COG7: variants seen among roughly 807,000 people sequenced by gnomAD.
COG7 encodes the protein conserved oligomeric Golgi complex subunit 7.
COG7 carries 49 observed loss-of-function variants against 91.5 expected under a neutral mutation model. The ratio of observed to expected loss-of-function variants is 0.54; its 90% CI spans 0.43 to 0.68. The LOEUF (loss-of-function observed/expected upper bound fraction) is 0.68, where lower values mean the gene tolerates loss of function less well. COG7 is among the 30% of genes least tolerant of loss of function. The pLI is 0.00. For synonymous variants in COG7, 365 were observed against 388.7 expected (o/e 0.94, Z 0.72); for missense variants, 895 against 961.3 (o/e 0.93, Z 0.91).
At chr16:23,425,518 T>A (rs1369606435) in intron 6 of COG7, among the ~76,000 whole-genome samples, 1 of 152,038 alleles carries the variant, frequency 6.6e-6, no homozygotes, top group East Asian at 1.9e-4. Context: ...ATTTTATTTT[T>A]TTGTAGAGAC....
chr16:23,403,828 C>T lies in COG7; in HGVS notation c.1669G>A (p.Gly557Arg). The change falls in exon 13 of 17, where the codon GGG becomes AGG. Residue 557 changes from glycine (G) to arginine (R), a missense_variant. Transcript: ENST00000307149. ...GCCAGCAGGTTGTGGTTGCTTGACC[C>T]TTTTTCCTAAGACAAGAAAATGCAA... ...MEILYTLKEK[G>R]SSNHNLLAAP... 1 of 1,614,198 alleles carries T rather than the reference C, an allele frequency of 6.2e-7. No homozygotes were observed. The highest frequency in any genetic ancestry group is 8.5e-7 in the Non-Finnish European group (1 of 1,180,032).
chr16:23,393,211 G>T (rs181406575), intron 15 of COG7, 22 bp downstream of exon 15: 5 of 1,560,282 alleles, frequency 3.2e-6, no homozygotes, highest in Non-Finnish European at 3.5e-6. Flanking sequence ...TTGTAACATC[G>T]CCAGAAACGG....
At chr16:23,413,604 T>A in intron 9 of COG7, 40 bp from the exon 10 acceptor site, 1 of 1,046,550 alleles carries the variant, frequency 9.6e-7, no homozygotes, top group South Asian at 1.3e-5. Context: ...AGGTCACCAC[T>A]GATTCCCCAA....
At position 23,424,795 on chromosome 16, in the gene COG7, G is replaced by A. The variant is rs762510375; in HGVS notation, c.963C>T (p.Thr321=). ...LTRLLEFYDA[T]AHFAKGLEMA... The stretch of plus-strand genomic sequence containing the variant: ...TCTCCAAGCCCTTGGCGAAGTGGGC[G>A]GTGGCGTCGTAGAACTCCAGCAGCC... The change falls in exon 7 of 17, where the codon ACC becomes ACT. Residue 321 remains threonine (T), a synonymous_variant. Coordinates refer to ENST00000307149, the MANE Select transcript of COG7 (RefSeq NM_153603.4). 27 of 1,614,120 alleles carry A rather than the reference G, an allele frequency of 1.7e-5. No homozygotes were observed. Among genetic ancestry groups the A allele is most frequent in the African/African-American group, 6.7e-5 (5 of 74,946 alleles).
rs540406614 is a variant in COG7, at chr16:23,438,154, C to T, written c.605-3436G>A. On this transcript the variant is annotated intron_variant, in intron 4 of 16. Transcript: ENST00000307149. ...ATCAATAATAGAATGAAAACACAAT[C>T]CATGGAATGGGAGAAAATATTTGCA... Among the ~76,000 whole-genome samples, 291 of 151,588 alleles carry T rather than the reference C, an allele frequency of 1.9e-3. 3 individuals carry two copies. Among genetic ancestry groups the T allele is most frequent in the African/African-American group, 6.9e-3 (287 of 41,350 alleles).
intron 5 of COG7, 52 bp from the exon 6 acceptor site, chr16:23,433,719 C>G: frequency 6.2e-7 from 1 of 1,609,350 alleles, no homozygotes; most frequent in Non-Finnish European, 8.5e-7. Context: ...CATAGGTTGC[C>G]TGTGAACACT....
At chr16:23,419,422 A>G (rs1401951982) in intron 7 of COG7, among the ~76,000 whole-genome samples, 1 of 150,490 alleles carries the variant, frequency 6.6e-6, no homozygotes, top group Admixed American at 6.6e-5. Flanking sequence ...AAAAAAAAAA[A>G]AAAAGATAAC....
intron 7 of COG7, 64 bp from the exon 8 acceptor site, chr16:23,418,891 C>G: frequency 6.6e-7 from 1 of 1,517,194 alleles, no homozygotes; most frequent in Non-Finnish European, 9.1e-7. Context: ...TGTGGGAAAG[C>G]AACAATCAAG....
intron 3 of COG7, 91 bp downstream of exon 3, chr16:23,444,957 T>C: frequency 1.1e-6 from 1 of 937,508 alleles, no homozygotes. Context: ...ATGCTGCTAT[T>C]GGCTATCAAC....
chr16:23,441,400 C>T (rs1964098924), intron 4 of COG7, among the ~76,000 whole-genome samples: 1 of 152,000 alleles, frequency 6.6e-6, no homozygotes, highest in African/African-American at 2.4e-5. Flanking sequence ...CATGGTGAAA[C>T]CTCATCTCTA....
intron 8 of COG7, 72 bp from the exon 9 acceptor site, chr16:23,417,193 A>C: frequency 6.7e-7 from 1 of 1,489,088 alleles, no homozygotes; most frequent in Admixed American, 1.7e-5. Context: ...GAAGACCTCC[A>C]AGCCTTCTCA....
chr16:23,443,202 C>T (rs117846762), intron 3 of COG7, among the ~76,000 whole-genome samples: 2,173 of 152,262 alleles, frequency 0.014, 32 homozygotes, highest in Non-Finnish European at 0.021. Flanking sequence ...TAAATTTATA[C>T]TGTCTTTCTG....
rs1963414368 is a variant in COG7 at position 23,403,691 on chromosome 16, C to CA, written c.1803+2dup. On this transcript the variant is annotated splice_region_variant and intron_variant, in intron 13 of 16. Coordinates refer to ENST00000307149, the MANE Select transcript of COG7 (RefSeq NM_153603.4). The stretch of plus-strand genomic sequence containing the variant: ...AAATTGATGTGGTCAGTGAGAAACT[C>CA]ACGTCCATCTTCGAAATAAGCAACA... 1.2e-6 allele frequency: 2 copies of CA among 1,613,844 alleles called. No homozygotes were observed. The highest frequency in any genetic ancestry group is 1.7e-6 in the Non-Finnish European group (2 of 1,179,904).
intron 11 of COG7, among the ~76,000 whole-genome samples, chr16:23,407,958 T>C (rs948040519): frequency 6.6e-6 from 1 of 150,704 alleles, no homozygotes; most frequent in African/African-American, 2.4e-5. Context: ...TACTGGCACA[T>C]GCTGGATGCT....
chr16:23,451,203 A>G (rs1964260084), intron 1 of COG7, among the ~76,000 whole-genome samples: 1 of 152,186 alleles, frequency 6.6e-6, no homozygotes, highest in Non-Finnish European at 1.5e-5. Context: ...AAAAAAAACA[A>G]AAAAACAAAC....
chr16:23,391,977 G>C (rs1963204709), intron 16 of COG7: 4 of 1,147,922 alleles, frequency 3.5e-6, no homozygotes, highest in Non-Finnish European at 4.3e-6. Context: ...AGGGGAGTTT[G>C]GAATTACATA....
intron 9 of COG7, 29 bp from the exon 10 acceptor site, chr16:23,413,593 G>T: frequency 4.2e-6 from 5 of 1,204,034 alleles, no homozygotes; most frequent in Non-Finnish European, 6.2e-6. Flanking sequence ...AAATGGTAGG[G>T]AGGTCACCAC....
At chr16:23,452,701 C>T in intron 1 of COG7, 125 bp downstream of exon 1, 1 of 1,469,784 alleles carries the variant, frequency 6.8e-7, no homozygotes. Context: ...GGGGCTTGCT[C>T]TTTTGCCGAG....
chr16:23,417,454 A>G (rs1025221555), intron 8 of COG7, among the ~76,000 whole-genome samples: 53 of 152,146 alleles, frequency 3.5e-4, no homozygotes, highest in Admixed American at 6.6e-4. Context: ...AATTCTCCTT[A>G]TCAGACGCTC....
Sources: allele counts gnomAD v4.1 joint callset (sites outside exome capture counted in the v4.1 genomes callset), GRCh38; gene constraint gnomAD v4.1.1; transcripts MANE v1.5; gene names NCBI Gene and HGNC (gene_info 2026-07-23, HGNC 2026-07-21).